The following DNAJC19 variants were observed in gnomAD, a reference collection of about 807,000 sequenced individuals.
DNAJC19 encodes the protein mitochondrial import inner membrane translocase subunit TIM14.
In DNAJC19, 15 loss-of-function variants were observed where a neutral mutation model predicts 19.8. That is an observed-to-expected ratio of 0.76 (90% CI 0.51 to 1.17). The LOEUF is 1.17. DNAJC19 is among the 50% of genes most tolerant of loss of function. DNAJC19 has a pLI of 0.00. For synonymous variants in DNAJC19, 38 were observed against 42.1 expected (o/e 0.90, Z 0.38); for missense variants, 105 against 140.9 (o/e 0.75, Z 1.29).
chr3:180,986,768 TTAAAAA>T (rs1714931028), intron 4 of DNAJC19, 169 bp downstream of exon 4: 1 of 622,660 alleles, frequency 1.6e-6, no homozygotes, highest in Non-Finnish European at 2.8e-6. Context: ...TGTTTACATC[TTAAAAA>T]TAACATGAAG....
At position 180,984,145 on chromosome 3, in the gene DNAJC19, T is replaced by A; in HGVS notation, c.*495A>T. On this transcript the variant is annotated 3_prime_UTR_variant, in exon 6 of 6. Transcript: ENST00000382564. ...TCAATTTCTTAGGTCTCAGTTGTGGTTAAATTCACTTTTAAATACAAGGTT... is the reference window on the plus strand; with the variant it reads ...TCAATTTCTTAGGTCTCAGTTGTGGATAAATTCACTTTTAAATACAAGGTT... 1 of 454,044 alleles carries A rather than the reference T, an allele frequency of 2.2e-6. No homozygotes were observed. The highest frequency in any genetic ancestry group is 1.6e-5 in the South Asian group (1 of 64,480). 28.1% of individuals were successfully genotyped at this position (454,044 alleles called of 1,614,324 possible).
At chr3:180,989,007 CA>C (rs10585461) in intron 1 of DNAJC19, among the ~76,000 whole-genome samples, 32,660 of 127,612 alleles carry the variant, frequency 0.26, 4,689 homozygotes, top group African/African-American at 0.45. Context: ...GACTCTGTCT[CA>C]AAAAAAAAAA....
chr3:180,987,945 G>A (rs1714992709), intron 3 of DNAJC19, 78 bp downstream of exon 3: 2 of 1,530,698 alleles, frequency 1.3e-6, no homozygotes, highest in East Asian at 2.2e-5. Flanking sequence ...GAACTTCATG[G>A]ATATTTGGAA....
In DNAJC19 at chr3:180,989,714, A is replaced by G. The variant is rs757894812; in HGVS notation, c.-112T>C. The G allele has an allele frequency of 8.5e-6, 13 of 1,525,972 alleles. No individual in the cohort carries two copies. The Admixed American group carries it at 1.6e-4, about 18-fold the overall frequency. 94.5% of individuals were successfully genotyped at this position (1,525,972 alleles called of 1,614,324 possible). On this transcript the variant is annotated 5_prime_UTR_variant, in exon 1 of 6. Transcript: ENST00000382564. ...GAGAGCGACGCAACCCCCAACCTCA[A>G]GCACAGGCGCCCTACGCAACACGGC... is the stretch of plus-strand genomic sequence containing the variant.
chr3:180,985,040 C>T (rs1485143726), intron 5 of DNAJC19, among the ~76,000 whole-genome samples: 1 of 152,020 alleles, frequency 6.6e-6, no homozygotes, highest in Non-Finnish European at 1.5e-5. Context: ...TTAGCCTATT[C>T]ATGATTACAG....
Position 180,984,234 on chromosome 3 carries a change from G to C in DNAJC19, c.*406C>G. ...GAACAGCCTTTCCACCGAATAAGAA[G>C]AGTCCCTACTTAAACAGCTTAAGCT... On this transcript the variant is annotated 3_prime_UTR_variant, in exon 6 of 6. Transcript: ENST00000382564. 2.2e-6 allele frequency: 1 copy of C among 454,144 alleles called. No individual in the cohort carries two copies. Among genetic ancestry groups the C allele is most frequent in the Non-Finnish European group, 4.4e-6 (1 of 226,860 alleles). 28.1% of individuals were successfully genotyped at this position (454,144 alleles called of 1,614,324 possible).
chr3:180,986,038 G>C, intron 4 of DNAJC19, 42 bp from the exon 5 acceptor site: 6 of 1,511,656 alleles, frequency 4.0e-6, no homozygotes, highest in Non-Finnish European at 5.5e-6. Flanking sequence ...TCCTACTTCT[G>C]CATCACATCA....
At chr3:180,989,459 G>A (rs1421487472) in intron 1 of DNAJC19, 141 bp downstream of exon 1, 4 of 1,522,724 alleles carry the variant, frequency 2.6e-6, no homozygotes, top group East Asian at 2.5e-5. Context: ...GTGTCCTGGT[G>A]AGTGTGACTC....
In DNAJC19 at chr3:180,989,709, C is replaced by A; in HGVS notation, c.-107G>T. 2.0e-6 allele frequency: 3 copies of A among 1,536,672 alleles called. No individual in the cohort carries two copies. Among genetic ancestry groups the A allele is most frequent in the Non-Finnish European group, 2.6e-6 (3 of 1,138,788 alleles). On this transcript the variant is annotated 5_prime_UTR_variant, in exon 1 of 6. Transcript: ENST00000382564. ...TACCAGAGAGCGACGCAACCCCCAA[C>A]CTCAAGCACAGGCGCCCTACGCAAC...
rs186651152 is a variant in DNAJC19 at position 180,984,929 on chromosome 3, T to C, written c.281-219A>G. Among the ~76,000 whole-genome samples, 20 of 152,256 alleles carry C rather than the reference T, an allele frequency of 1.3e-4. No homozygotes were observed. In the South Asian group the frequency reaches 3.5e-3, roughly 27 times the overall value. ...GAAATGAAGTAATTTACGTGGGAGA[T>C]ATTTCTACAAAAATAACACCTTTTT... On this transcript the variant is annotated intron_variant, in intron 5 of 5. Coordinates refer to ENST00000382564, the MANE Select transcript of DNAJC19 (RefSeq NM_145261.4).
chr3:180,986,850 C>A (rs1454903205), intron 4 of DNAJC19, 93 bp downstream of exon 4: 3 of 1,027,400 alleles, frequency 2.9e-6, no homozygotes, highest in African/African-American at 1.6e-5. Flanking sequence ...TCCCCCATGA[C>A]CCTCTCCTAT....
intron 3 of DNAJC19, chr3:180,987,637 G>A: frequency 3.0e-6 from 1 of 328,410 alleles, no homozygotes; most frequent in Non-Finnish European, 5.9e-6. Context: ...TGCTACCTAT[G>A]TATGATGTTT....
At position 180,986,562 on chromosome 3, in the gene DNAJC19, G is replaced by A. The variant is rs562192426; in HGVS notation, c.209+381C>T. ...CTCCCAAAGTGCTGGGATTACAGAC[G>A]TGAGTCACCGCGCCCGGTTGAAGGC... On this transcript the variant is annotated intron_variant, in intron 4 of 5. Transcript: ENST00000382564. 2.4e-5 allele frequency: 5 copies of A among 211,448 alleles called. No homozygotes were observed. The South Asian group carries it at 3.8e-4, about 16-fold the overall frequency. The allele number at this position is 211,448 out of a possible 1,614,324, so 13.1% of individuals were successfully genotyped here.
At chr3:180,989,001 C>CT (rs1715075157) in intron 1 of DNAJC19, among the ~76,000 whole-genome samples, 1 of 126,806 alleles carries the variant, frequency 7.9e-6, no homozygotes, top group Non-Finnish European at 1.6e-5. Context: ...GAGCAAGACT[C>CT]TGTCTCAAAA....
At chr3:180,984,792 C>T (rs1577023665) in intron 5 of DNAJC19, 82 bp from the exon 6 acceptor site, 2 of 974,086 alleles carry the variant, frequency 2.1e-6, no homozygotes, top group Non-Finnish European at 1.6e-6. Context: ...GTTTCAAGGA[C>T]TCCAATGCTT....
At chr3:180,989,418 C>A in intron 1 of DNAJC19, 182 bp downstream of exon 1, 1 of 1,448,174 alleles carries the variant, frequency 6.9e-7, no homozygotes, top group South Asian at 1.4e-5. Flanking sequence ...TGTAAAAACA[C>A]AAACCCCCAA....
At chr3:180,986,268 T>C (rs78035473) in intron 4 of DNAJC19, among the ~76,000 whole-genome samples, 56 of 150,572 alleles carry the variant, frequency 3.7e-4, no homozygotes, top group African/African-American at 1.3e-3. Flanking sequence ...GATTTGAAAA[T>C]GAAGAAGGAA....
intron 1 of DNAJC19, chr3:180,989,372 G>A (rs1261152129): frequency 2.8e-6 from 4 of 1,427,428 alleles, no homozygotes; most frequent in Non-Finnish European, 3.7e-6. Flanking sequence ...CAGAGCCCGT[G>A]CGGACAAGAA....
At chr3:180,989,308 T>G (rs1295913880) in intron 1 of DNAJC19, 1 of 1,394,896 alleles carries the variant, frequency 7.2e-7, no homozygotes, top group Non-Finnish European at 9.3e-7. Flanking sequence ...TCCACTAATC[T>G]CCGAGTCCAT....
Sources: allele counts gnomAD v4.1 joint callset (sites outside exome capture counted in the v4.1 genomes callset), GRCh38; gene constraint gnomAD v4.1.1; transcripts MANE v1.5; gene names NCBI Gene and HGNC (gene_info 2026-07-23, HGNC 2026-07-21).